Variants in MIA2 observed in about 807,000 individuals in gnomAD.
MIA2 encodes melanoma inhibitory activity protein 2.
A neutral mutation model predicts 167.8 loss-of-function variants in MIA2; 127 were observed. That is an observed-to-expected ratio of 0.76 (90% CI 0.66 to 0.88). The LOEUF (loss-of-function observed/expected upper bound fraction) is 0.88. MIA2 is among the 40% of genes least tolerant of loss of function. The pLI is 0.00. For synonymous variants in MIA2, 552 were observed against 541.9 expected (o/e 1.02, Z -0.26); for missense variants, 1,690 against 1,624.7 (o/e 1.04, Z -0.69).
intron 6 of MIA2, among the ~76,000 whole-genome samples, chr14:39,259,709 T>G (rs1043705798): frequency 6.6e-6 from 1 of 150,776 alleles, no homozygotes; most frequent in East Asian, 1.9e-4. Flanking sequence ...TTTTTTTTTT[T>G]TTTTTTTTTT....
intron 23 of MIA2, among the ~76,000 whole-genome samples, chr14:39,381,525 G>C (rs1181996142): frequency 6.6e-6 from 1 of 152,194 alleles, no homozygotes; most frequent in Non-Finnish European, 1.5e-5. Context: ...AATCCCAGCT[G>C]TCATGGTGAA....
rs749904088 is a variant in MIA2, at chr14:39,247,730, G to A, written c.1156G>A (p.Gly386Ser). The change falls in exon 4 of 29, where the codon GGC (glycine) becomes AGC (serine). Residue 386 changes from glycine to serine, a missense_variant. By Grantham distance (56) the Gly-to-Ser change is moderately conservative. Coordinates refer to ENST00000640607, the MANE Select transcript of MIA2 (RefSeq NM_001329214.4). ...SWFDFGFAIL[G>S]FAYAKEDKIM... is the part of the protein sequence containing the mutation. ...GTTTGATTTTGGTTTTGCTATACTA[G>A]GCTTTGCATATGCCAAGGAAGATAA... is the stretch of plus-strand genomic sequence containing the variant. 7 of 1,613,010 alleles carry A rather than the reference G, an allele frequency of 4.3e-6. No homozygotes were observed. The East Asian group carries it at 1.3e-4, about 31-fold the overall frequency.
At chr14:39,302,941 A>G (rs1350456408) in intron 15 of MIA2, among the ~76,000 whole-genome samples, 2 of 152,166 alleles carry the variant, frequency 1.3e-5, no homozygotes, top group Admixed American at 6.5e-5. Context: ...CAGCCCCTGC[A>G]TAATTAACAA....
chr14:39,265,232 C>T (rs2055409101), intron 6 of MIA2: 1 of 617,390 alleles, frequency 1.6e-6, no homozygotes, highest in Admixed American at 3.3e-5. Flanking sequence ...GTCACAACTC[C>T]ACCTGTAGCA....
rs370103755 is a variant in MIA2, at chr14:39,252,890, G to A, written c.1710G>A (p.Val570=). 9.3e-6 allele frequency: 15 copies of A among 1,613,788 alleles called. No homozygotes were observed. The highest frequency in any genetic ancestry group is 6.7e-5 in the African/African-American group (5 of 74,890). ...CTCTGGTGGAGATAGACAGATCTGT[G>A]GAAAATACCCTGCTAAATAGTCAGA... The part of the protein sequence containing the change: ...GPALVEIDRS[V]ENTLLNSQMV... The change falls in exon 5 of 29, where the codon GTG becomes GTA. Residue 570 remains valine, a synonymous_variant. Coordinates refer to ENST00000640607, the MANE Select transcript of MIA2 (RefSeq NM_001329214.4).
chr14:39,297,917 A>G (rs1268796535), intron 13 of MIA2, among the ~76,000 whole-genome samples: 2 of 151,740 alleles, frequency 1.3e-5, no homozygotes, highest in African/African-American at 4.8e-5. Flanking sequence ...GGGTGTTCCT[A>G]CCTTCAGGCT....
At chr14:39,315,318 AT>A (rs1359665079) in intron 20 of MIA2, 419 of 164,402 alleles carry the variant, frequency 2.5e-3, no homozygotes, top group African/African-American at 9.6e-3. Context: ...AAAAAAAAAA[AT>A]AAAATAAATA....
chr14:39,275,092 T>A (rs2057776566), intron 6 of MIA2, among the ~76,000 whole-genome samples: 1 of 146,968 alleles, frequency 6.8e-6, no homozygotes, highest in Non-Finnish European at 1.5e-5. Flanking sequence ...AAAAAAAATT[T>A]TTTTTTTTTT....
intron 6 of MIA2, among the ~76,000 whole-genome samples, chr14:39,260,542 T>A (rs538647884): frequency 6.6e-6 from 1 of 152,364 alleles, no homozygotes; most frequent in Admixed American, 6.5e-5. Flanking sequence ...TTGCCCACTT[T>A]TTGATGAAAT....
At chr14:39,306,626 A>G (rs1411357415) in intron 17 of MIA2, among the ~76,000 whole-genome samples, 2 of 152,218 alleles carry the variant, frequency 1.3e-5, no homozygotes, top group Non-Finnish European at 2.9e-5. Context: ...AAGCCAAACC[A>G]TATCATGAGG....
intron 6 of MIA2, chr14:39,265,191 G>A: frequency 3.7e-6 from 2 of 537,138 alleles, no homozygotes; most frequent in Middle Eastern, 9.8e-4. Context: ...AACAACGAGT[G>A]AGGTCCATGA....
At chr14:39,269,052 G>T in intron 6 of MIA2, 3 of 775,194 alleles carry the variant, frequency 3.9e-6, no homozygotes, top group Non-Finnish European at 4.6e-6. Context: ...CTAGTCTGGT[G>T]CGTTGTATCT....
chr14:39,369,597 C>CA (rs917331353), intron 23 of MIA2, among the ~76,000 whole-genome samples: 33 of 152,208 alleles, frequency 2.2e-4, no homozygotes, highest in African/African-American at 7.2e-5. Flanking sequence ...TCCTCTCCTC[C>CA]AAAAAAATGG....
chr14:39,341,772 G>A (rs555968652), intron 25 of MIA2, among the ~76,000 whole-genome samples: 18 of 152,138 alleles, frequency 1.2e-4, no homozygotes, highest in African/African-American at 4.1e-4. Context: ...GAAATTTATG[G>A]TCATAAATTT....
intron 25 of MIA2, among the ~76,000 whole-genome samples, chr14:39,342,941 C>G (rs2072326803): frequency 6.6e-6 from 1 of 152,042 alleles, no homozygotes; most frequent in Non-Finnish European, 1.5e-5. Flanking sequence ...GAGTTTATCA[C>G]CTTAATTGTG....
chr14:39,265,260 T>C (rs541287498), intron 6 of MIA2: 1 of 729,730 alleles, frequency 1.4e-6, no homozygotes, highest in African/African-American at 1.8e-5. Context: ...ACCACACAAA[T>C]GTCAAAACGG....
At chr14:39,374,220 G>A (rs2139334276) in intron 23 of MIA2, among the ~76,000 whole-genome samples, 1 of 152,340 alleles carries the variant, frequency 6.6e-6, no homozygotes, top group East Asian at 1.9e-4. Context: ...GATGAAAAAT[G>A]TAATTCCTCA....
Position 39,236,921 on chromosome 14 carries a change from G to A in MIA2, c.116-1G>A, listed in dbSNP as rs375069212. 4 of 1,602,338 alleles carry A rather than the reference G, an allele frequency of 2.5e-6. No individual in the cohort carries two copies. The highest frequency in any genetic ancestry group is 2.5e-6 in the Non-Finnish European group (3 of 1,177,008). On this transcript the variant is annotated splice_acceptor_variant, in intron 1 of 28. Transcript: ENST00000640607. LOFTEE classifies it high-confidence loss of function. ...TATTTTTCTTTACATGTTTTACATA[G>A]CTTTAATAAACAGAGTCTCAGCCAT...
chr14:39,251,539 A>G (rs2054575337), intron 4 of MIA2, among the ~76,000 whole-genome samples: 1 of 152,106 alleles, frequency 6.6e-6, no homozygotes, highest in South Asian at 2.1e-4. Flanking sequence ...TTTTAAAATA[A>G]TCAATATAGC....
Sources: gnomAD v4.1 joint callset for allele counts (sites outside exome capture counted in the v4.1 genomes callset) on GRCh38, gnomAD v4.1.1 for gene constraint, MANE v1.5 for transcripts, NCBI Gene and HGNC (gene_info 2026-07-23, HGNC 2026-07-21) for gene names.